PRR16: variants seen among roughly 807,000 people sequenced by gnomAD.
PRR16 encodes proline rich 16.
PRR16 carries 6 observed loss-of-function variants against 18.2 expected under a neutral mutation model. The observed-to-expected ratio is 0.33, with a 90% confidence interval of 0.18 to 0.65. PRR16 has a LOEUF of 0.65. PRR16 is among the 30% of genes least tolerant of loss of function. The probability of loss-of-function intolerance (pLI) is 0.74; values close to 1 mark genes in which losing one functional copy is unlikely to be tolerated. For missense variants in PRR16, 412 were observed against 376.6 expected, an observed-to-expected ratio of 1.09 and a Z score of -0.78; for synonymous variants, 151 against 147.8, an observed-to-expected ratio of 1.02 and a Z score of -0.16.
chr5:120,502,875 A>G (rs1485083107), intron 1 of PRR16, among the ~76,000 whole-genome samples: 1 of 152,198 alleles, frequency 6.6e-6, no homozygotes, highest in Non-Finnish European at 1.5e-5. Flanking sequence ...GTTTCTTCTT[A>G]TTCAGATAGT....
chr5:120,721,359 C>T, the PRR16 span, among the ~76,000 whole-genome samples: 1 of 151,668 alleles, frequency 6.6e-6, no homozygotes, highest in East Asian at 1.9e-4. Flanking sequence ...ATGTATAGAT[C>T]AAGGTGAGAT....
chr5:120,554,659 A>G (rs990998534), intron 1 of PRR16, among the ~76,000 whole-genome samples: 3 of 151,850 alleles, frequency 2.0e-5, no homozygotes, highest in African/African-American at 7.2e-5. Context: ...TACGTTAGTT[A>G]TTTTGCATAT....
At chr5:120,539,148 A>G (rs1278682883) in intron 1 of PRR16, among the ~76,000 whole-genome samples, 5 of 152,090 alleles carry the variant, frequency 3.3e-5, no homozygotes, top group African/African-American at 1.2e-4. Context: ...AGAAAAACTG[A>G]AGGAGGTTCT....
intron 1 of PRR16, among the ~76,000 whole-genome samples, chr5:120,666,210 C>G (rs1580853650): frequency 6.6e-6 from 1 of 152,126 alleles, no homozygotes; most frequent in Non-Finnish European, 1.5e-5. Flanking sequence ...ATTTTATTCT[C>G]TTTGAAGCAA....
intron 1 of PRR16, among the ~76,000 whole-genome samples, chr5:120,580,374 A>G (rs999976812): frequency 1.3e-5 from 2 of 152,116 alleles, no homozygotes; most frequent in African/African-American, 4.8e-5. Flanking sequence ...GGTTTATCAT[A>G]AATAGCTCTT....
chr5:120,701,007 G>T, the PRR16 span, among the ~76,000 whole-genome samples: 1 of 152,180 alleles, frequency 6.6e-6, no homozygotes. Flanking sequence ...AGGAATCCCG[G>T]GCTGCGGGCA....
intron 1 of PRR16, among the ~76,000 whole-genome samples, chr5:120,580,941 G>T (rs1446890514): frequency 1.3e-5 from 2 of 152,144 alleles, no homozygotes; most frequent in South Asian, 2.1e-4. Flanking sequence ...TTTTATTGAG[G>T]ATTTTCACAT....
intron 1 of PRR16, among the ~76,000 whole-genome samples, chr5:120,572,941 C>T (rs1752953238): frequency 6.6e-6 from 1 of 151,894 alleles, no homozygotes; most frequent in African/African-American, 2.4e-5. Context: ...TGTGTTTGAG[C>T]CAGGGGATAA....
the PRR16 span, among the ~76,000 whole-genome samples, chr5:120,721,556 T>C: frequency 3.3e-5 from 5 of 152,004 alleles, no homozygotes; most frequent in African/African-American, 1.2e-4. Flanking sequence ...GTGGAATCCC[T>C]AAAGAGGCAA....
At chr5:120,701,534 A>G in the PRR16 span, among the ~76,000 whole-genome samples, 2 of 152,208 alleles carry the variant, frequency 1.3e-5, no homozygotes, top group Non-Finnish European at 2.9e-5. Context: ...CTAGTCACGG[A>G]ACGAAACTGA....
intron 1 of PRR16, chr5:120,531,645 TTAGGTAGC>T (rs1483306496): frequency 1.3e-5 from 2 of 152,136 alleles, no homozygotes; most frequent in Admixed American, 1.3e-4. Context: ...CTTCATTTAT[TTAGGTAGC>T]TTTGTTTTTG....
At chr5:120,483,408 G>T (rs892286598) in intron 1 of PRR16, among the ~76,000 whole-genome samples, 2 of 151,572 alleles carry the variant, frequency 1.3e-5, no homozygotes, top group Non-Finnish European at 1.5e-5. Context: ...CCTTTTCAAA[G>T]TAAGGTTTAT....
chr5:120,563,902 A>C (rs562089631), intron 1 of PRR16, among the ~76,000 whole-genome samples: 1 of 152,334 alleles, frequency 6.6e-6, no homozygotes, highest in African/African-American at 2.4e-5. Context: ...CCCAAAGCAC[A>C]TGGCATACTA....
At chr5:120,771,784 G>C in the PRR16 span, among the ~76,000 whole-genome samples, 574 of 151,792 alleles carry the variant, frequency 3.8e-3, 7 homozygotes, top group Middle Eastern at 0.062. Flanking sequence ...ATATTTGTTA[G>C]TATATTTTAT....
intron 1 of PRR16, among the ~76,000 whole-genome samples, chr5:120,548,966 T>TACACACAC (rs138985218): frequency 1.3e-4 from 20 of 150,560 alleles, no homozygotes; most frequent in Middle Eastern, 3.4e-3. Context: ...TTCATGCATG[T>TACACACAC]ACACACACAC....
chr5:120,529,162 T>G (rs1398919348), intron 1 of PRR16, among the ~76,000 whole-genome samples: 1 of 152,196 alleles, frequency 6.6e-6, no homozygotes, highest in East Asian at 1.9e-4. Flanking sequence ...TTTGCTTTTC[T>G]CTTTATAGCA....
intron 1 of PRR16, among the ~76,000 whole-genome samples, chr5:120,552,822 C>A (rs1366805872): frequency 6.6e-6 from 1 of 151,752 alleles, no homozygotes; most frequent in East Asian, 1.9e-4. Flanking sequence ...TGTGTCATAC[C>A]TGAAGTTATT....
At chr5:120,717,415 A>G in the PRR16 span, among the ~76,000 whole-genome samples, 1 of 152,170 alleles carries the variant, frequency 6.6e-6, no homozygotes, top group Non-Finnish European at 1.5e-5. Context: ...TATTTTTGAA[A>G]CCGTCTAAAG....
chr5:120,769,909 G>A, the PRR16 span, among the ~76,000 whole-genome samples: 4 of 150,992 alleles, frequency 2.6e-5, no homozygotes, highest in African/African-American at 4.8e-5. Context: ...AACTTAACAA[G>A]TGTGAGGTGA....
Sources: gnomAD v4.1 joint callset for allele counts (sites outside exome capture counted in the v4.1 genomes callset) on GRCh38, gnomAD v4.1.1 for gene constraint, MANE v1.5 for transcripts, NCBI Gene and HGNC (gene_info 2026-07-23, HGNC 2026-07-21) for gene names.